STK3: variants seen among roughly 807,000 people sequenced by gnomAD.
STK3 encodes the protein serine/threonine kinase 3.
A neutral mutation model predicts 58.0 loss-of-function variants in STK3; 41 were observed. The observed-to-expected ratio is 0.71, with a 90% CI of 0.55 to 0.92. The LOEUF (loss-of-function observed/expected upper bound fraction) is 0.92. STK3 is among the 40% of genes least tolerant of loss of function. STK3 has a pLI of 0.00. For synonymous variants in STK3, 170 were observed against 191.0 expected, an observed-to-expected ratio of 0.89 and a Z score of 0.91; for missense variants, 479 against 602.7, an observed-to-expected ratio of 0.79 and a Z score of 2.15.
At chr8:98,519,143 A>C (rs1162364335) in intron 10 of STK3, among the ~76,000 whole-genome samples, 1 of 152,182 alleles carries the variant, frequency 6.6e-6, no homozygotes, top group East Asian at 1.9e-4. Flanking sequence ...CTCAGTCCAC[A>C]GAACTAAGGA....
At chr8:98,786,876 G>A (rs1324523089) in intron 1 of STK3, among the ~76,000 whole-genome samples, 1 of 151,970 alleles carries the variant, frequency 6.6e-6, no homozygotes, top group Non-Finnish European at 1.5e-5. Flanking sequence ...TACTCACCAG[G>A]CCGTCCAAGG....
intron 6 of STK3, among the ~76,000 whole-genome samples, chr8:98,699,216 C>T (rs1435141496): frequency 6.6e-6 from 1 of 152,000 alleles, no homozygotes. Context: ...GCTCCATCAG[C>T]TCCTTTAAGC....
rs536598510 is a variant in STK3 at position 98,894,287 on chromosome 8, G to A, written c.-78-10453C>T. Among the ~76,000 whole-genome samples the A allele has an allele frequency of 2.6e-5, 4 of 152,036 alleles. No individual in the cohort carries two copies. In the South Asian group the frequency reaches 8.3e-4, roughly 32 times the overall value. On this transcript the variant is annotated intron_variant, in intron 1 of 1. Transcript: ENST00000519420. ...ATTGTCTGTAGGACATTTTCCTTTGGACAGCTCATCAATCAATTCAACAAG... is the reference window on the plus strand; with the variant it reads ...ATTGTCTGTAGGACATTTTCCTTTGAACAGCTCATCAATCAATTCAACAAG...
chr8:98,684,587 A>G (rs982332434), intron 6 of STK3, among the ~76,000 whole-genome samples: 9 of 152,178 alleles, frequency 5.9e-5, no homozygotes, highest in African/African-American at 2.2e-4. Flanking sequence ...TATTGTTCAT[A>G]TACACTATCC....
intron 6 of STK3, among the ~76,000 whole-genome samples, chr8:98,699,672 C>G (rs1825363286): frequency 6.6e-6 from 1 of 152,212 alleles, no homozygotes; most frequent in African/African-American, 2.4e-5. Context: ...GGCTGCAGAA[C>G]AGCGGATTTT....
chr8:98,846,506 T>G (rs1206464138), intron 3 of STK3, among the ~76,000 whole-genome samples: 1 of 152,192 alleles, frequency 6.6e-6, no homozygotes, highest in Non-Finnish European at 1.5e-5. Context: ...GAACAAAACA[T>G]ACATAAGTCT....
At chr8:98,435,157 C>T (rs1818442163) in intron 2 of STK3, among the ~76,000 whole-genome samples, 1 of 152,190 alleles carries the variant, frequency 6.6e-6, no homozygotes, top group Non-Finnish European at 1.5e-5. Flanking sequence ...ATAACTATTT[C>T]CTTTGTGAAG....
intron 6 of STK3, among the ~76,000 whole-genome samples, chr8:98,701,874 A>T (rs1288246281): frequency 6.6e-6 from 1 of 152,166 alleles, no homozygotes; most frequent in Admixed American, 6.5e-5. Flanking sequence ...GTTTTAATTT[A>T]AAAAAATTTG....
chr8:98,523,951 C>G (rs1484610598), intron 10 of STK3, among the ~76,000 whole-genome samples: 2 of 152,094 alleles, frequency 1.3e-5, no homozygotes, highest in East Asian at 3.9e-4. Flanking sequence ...CGAAGTTTTT[C>G]TCATATGTAT....
chr8:98,649,740 C>T (rs1025359300), intron 6 of STK3, among the ~76,000 whole-genome samples: 5 of 152,054 alleles, frequency 3.3e-5, no homozygotes, highest in African/African-American at 4.8e-5. Context: ...CAATGTAAAC[C>T]ATAAAGGAAT....
chr8:98,938,754 G>A (rs568508003), intron 1 of STK3, among the ~76,000 whole-genome samples: 109 of 152,310 alleles, frequency 7.2e-4, no homozygotes, highest in Admixed American at 4.6e-4. Context: ...ACTGCAGGGA[G>A]GGTTGGCAAG....
rs574726733 is a variant in STK3, at chr8:98,589,754, C to T, written c.822+6278G>A. Among the ~76,000 whole-genome samples the T allele has an allele frequency of 7.2e-5, 11 of 152,312 alleles. No homozygotes were observed. The South Asian group carries it at 1.7e-3, about 23-fold the overall frequency. ...GCTGTGCTAGCAATCAGCGAGACTC[C>T]GTGGGCATAGGACCCTCTGAGCCAG... On this transcript the variant is annotated intron_variant, in intron 7 of 10. Transcript: ENST00000419617.
At chr8:98,612,214 C>T (rs1402561534) in intron 6 of STK3, among the ~76,000 whole-genome samples, 2 of 150,488 alleles carry the variant, frequency 1.3e-5, no homozygotes, top group African/African-American at 4.9e-5. Flanking sequence ...TTTCCTATTT[C>T]TCTCGTTAAG....
intron 6 of STK3, among the ~76,000 whole-genome samples, chr8:98,685,406 G>C (rs1370797388): frequency 6.6e-6 from 1 of 152,074 alleles, no homozygotes; most frequent in Non-Finnish European, 1.5e-5. Context: ...AAGTATCAGG[G>C]GTGACCCCAG....
At chr8:98,664,358 A>G (rs1473420075) in intron 6 of STK3, among the ~76,000 whole-genome samples, 1 of 152,198 alleles carries the variant, frequency 6.6e-6, no homozygotes, top group East Asian at 1.9e-4. Context: ...TCATTTCTTC[A>G]TCTGTCCAAT....
At chr8:98,630,794 A>AGAAGAG (rs56845331) in intron 6 of STK3, among the ~76,000 whole-genome samples, 6 of 150,940 alleles carry the variant, frequency 4.0e-5, no homozygotes, top group Middle Eastern at 3.4e-3. Flanking sequence ...AGGAAGAGGA[A>AGAAGAG]GAAGAGGAAG....
chr8:98,430,132 T>C (rs1414707301), intron 3 of STK3: 1 of 167,082 alleles, frequency 6.0e-6, no homozygotes, highest in African/African-American at 2.4e-5. Context: ...CGAATTTTTT[T>C]CCCAAGAACA....
At chr8:98,479,493 G>A (rs755125849) in intron 10 of STK3, among the ~76,000 whole-genome samples, 3,860 of 99,892 alleles carry the variant, frequency 0.039, 299 homozygotes, top group Non-Finnish European at 0.059. Flanking sequence ...TCTCGGGGGG[G>A]GGGGGGGGGC....
intron 6 of STK3, among the ~76,000 whole-genome samples, chr8:98,694,809 A>C (rs1316683191): frequency 6.6e-6 from 1 of 152,228 alleles, no homozygotes; most frequent in Non-Finnish European, 1.5e-5. Flanking sequence ...CACAATAAAC[A>C]TACGTGTGCA....
Sources: allele counts gnomAD v4.1 joint callset (sites outside exome capture counted in the v4.1 genomes callset), GRCh38; gene constraint gnomAD v4.1.1; transcripts MANE v1.5; gene names NCBI Gene and HGNC (gene_info 2026-07-23, HGNC 2026-07-21).